FRMPD1: variants seen among roughly 807,000 people sequenced by gnomAD.
FRMPD1 encodes the protein FERM and PDZ domain containing 1.
A neutral mutation model predicts 117.8 loss-of-function variants in FRMPD1; 76 were observed. That is an observed-to-expected ratio of 0.65 (90% confidence interval 0.54 to 0.78). FRMPD1 has a LOEUF of 0.78. Ranked by LOEUF, FRMPD1 falls within the 30% of genes least tolerant of loss-of-function variation. The pLI is 0.00. For synonymous variants in FRMPD1, 783 were observed against 770.4 expected, an observed-to-expected ratio of 1.02 and a Z score of -0.27; for missense variants, 1,786 against 1,964.5, an observed-to-expected ratio of 0.91 and a Z score of 1.72.
chr9:37,631,111 C>T, the FRMPD1 span, among the ~76,000 whole-genome samples: 5 of 151,906 alleles, frequency 3.3e-5, no homozygotes, highest in Non-Finnish European at 7.4e-5. Context: ...GAGTTGATGT[C>T]GCCTGGGTCT....
chr9:37,648,508 T>A (rs1278901770), upstream of FRMPD1, among the ~76,000 whole-genome samples: 1 of 152,060 alleles, frequency 6.6e-6, no homozygotes, highest in African/African-American at 2.4e-5. Context: ...ACTGGCAGTA[T>A]GTGAAGGATG....
intron 12 of FRMPD1, among the ~76,000 whole-genome samples, 182 bp downstream of exon 12, chr9:37,734,007 T>G (rs757403595): frequency 6.6e-5 from 10 of 152,166 alleles, no homozygotes; most frequent in Non-Finnish European, 8.8e-5. Flanking sequence ...GCTACCCCTG[T>G]GATAGATGCT....
chr9:37,698,980 C>G (rs1272669063), intron 2 of FRMPD1, among the ~76,000 whole-genome samples: 2 of 151,956 alleles, frequency 1.3e-5, no homozygotes, highest in Non-Finnish European at 2.9e-5. Flanking sequence ...CTCAGGTGAT[C>G]CACCTGCCTC....
intron 6 of FRMPD1, among the ~76,000 whole-genome samples, chr9:37,720,853 C>T (rs1469057368): frequency 1.3e-5 from 2 of 152,254 alleles, no homozygotes. Context: ...CGCCACTGCG[C>T]TTCAGCCTGG....
rs1823280021 is a variant in FRMPD1, at chr9:37,719,123, A to C, written c.463A>C (p.Asn155His). 6.2e-7 allele frequency: 1 copy of C among 1,613,772 alleles called. No individual in the cohort carries two copies. Among genetic ancestry groups the C allele is most frequent in the South Asian group, 1.1e-5 (1 of 91,082 alleles). Residue 155 changes from asparagine to histidine, a missense_variant, in exon 6 of 16, where the codon AAC becomes CAC. By Grantham distance (68) the Asn-to-His change is moderately conservative (BLOSUM62 1). Coordinates refer to ENST00000377765, the MANE Select transcript of FRMPD1 (RefSeq NM_014907.3). ...TEEKRARLKTNPVKVHFAEEV... is the reference protein window; with the variant it reads ...TEEKRARLKTHPVKVHFAEEV... The stretch of plus-strand genomic sequence containing the variant: ...GGAGAAGAGAGCCAGACTGAAGACC[A>C]ACCCCGTGAAGGTGCACTTTGCTGA...
At position 37,735,376 on chromosome 9, in the gene FRMPD1, T is replaced by G. The variant is rs569597599; in HGVS notation, c.1219-176T>G. 7.2e-5 allele frequency among the ~76,000 whole-genome samples: 11 copies of G among 152,280 alleles called. No homozygotes were observed. The South Asian group carries it at 1.5e-3, about 20-fold the overall frequency. On this transcript the variant is annotated intron_variant, in intron 12 of 15. Transcript: ENST00000377765. ...TGGAAAGAGTTTTGGGGAAATAAAT[T>G]TACACTTTGATTTAGCTGTTGATGG...
chr9:37,720,824 T>C (rs1039418353), intron 6 of FRMPD1, among the ~76,000 whole-genome samples: 4 of 152,100 alleles, frequency 2.6e-5, no homozygotes, highest in African/African-American at 9.7e-5. Context: ...GAGGCGGAGG[T>C]TGCAGTGAGC....
chr9:37,682,689 C>T (rs1242086930), intron 1 of FRMPD1, among the ~76,000 whole-genome samples: 1 of 152,102 alleles, frequency 6.6e-6, no homozygotes, highest in Non-Finnish European at 1.5e-5. Flanking sequence ...CTCTGTGGCT[C>T]AGACATCCAT....
rs774752514 is a variant in FRMPD1 at position 37,744,916 on chromosome 9, G to T, written c.2884G>T (p.Ala962Ser). The change falls in exon 16 of 16, where the codon GCC (alanine) becomes TCC (serine). Residue 962 changes from alanine to serine, a missense_variant. Physicochemically the swap from Ala to Ser is moderately conservative, Grantham distance 99. Transcript: ENST00000377765. ...NKENSGVVPA[A>S]SSSASTPHCS... ...AGAGAATTCTGGTGTTGTCCCTGCT[G>T]CCAGCTCCTCAGCAAGCACTCCTCA... The T allele has an allele frequency of 5.0e-6, 8 of 1,614,206 alleles. No homozygotes were observed. The highest frequency in any genetic ancestry group is 5.9e-6 in the Non-Finnish European group (7 of 1,180,042).
At chr9:37,661,933 G>A in intron 1 of FRMPD1, 1 of 154,340 alleles carries the variant, frequency 6.5e-6, no homozygotes. Flanking sequence ...CTTCGGGAGG[G>A]ATGCACATGG....
the FRMPD1 span, among the ~76,000 whole-genome samples, chr9:37,624,867 A>C: frequency 6.6e-6 from 1 of 152,170 alleles, no homozygotes; most frequent in Admixed American, 6.5e-5. Flanking sequence ...CTTGAAATGA[A>C]TTCTGAACAC....
chr9:37,694,861 A>G (rs906289899), intron 2 of FRMPD1, among the ~76,000 whole-genome samples: 12 of 152,108 alleles, frequency 7.9e-5, no homozygotes, highest in African/African-American at 2.9e-4. Flanking sequence ...TCATACTGAC[A>G]TGGATCAGTA....
rs1353849041 is a variant in FRMPD1, at chr9:37,745,820, C to T, written c.3788C>T (p.Pro1263Leu). ...EPSLPEPLPCPQEDPHLETSN... is the reference protein window; with the variant it reads ...EPSLPEPLPCLQEDPHLETSN... ...TCCCTGCCAGAACCACTACCATGTC[C>T]ACAAGAGGATCCTCACTTAGAAACT... The change falls in exon 16 of 16, where the codon CCA becomes CTA. Residue 1263 changes from proline (P) to leucine (L), a missense_variant. Pro to Leu is a moderately conservative substitution (Grantham distance 98, BLOSUM62 -3). Transcript: ENST00000377765. The T allele has an allele frequency of 1.2e-6, 2 of 1,614,120 alleles. No homozygotes were observed. Among genetic ancestry groups the T allele is most frequent in the South Asian group, 2.2e-5 (2 of 91,086 alleles).
intron 1 of FRMPD1, among the ~76,000 whole-genome samples, chr9:37,656,533 T>A (rs189915820): frequency 6.6e-6 from 1 of 152,348 alleles, no homozygotes; most frequent in Non-Finnish European, 1.5e-5. Flanking sequence ...CACCAATCAA[T>A]GTATAAAATT....
intron 1 of FRMPD1, among the ~76,000 whole-genome samples, chr9:37,657,303 A>T (rs1031548552): frequency 1.3e-5 from 2 of 152,230 alleles, no homozygotes; most frequent in African/African-American, 4.8e-5. Context: ...AACTATTCAC[A>T]TGTGAAGCTT....
chr9:37,635,561 G>A, the FRMPD1 span, among the ~76,000 whole-genome samples: 1 of 152,196 alleles, frequency 6.6e-6, no homozygotes, highest in African/African-American at 2.4e-5. Context: ...GACACCAGAG[G>A]GGAACCTGGG....
chr9:37,744,081 C>A (rs1824558545), intron 15 of FRMPD1, among the ~76,000 whole-genome samples: 1 of 151,674 alleles, frequency 6.6e-6, no homozygotes, highest in Non-Finnish European at 1.5e-5. Flanking sequence ...CTCAGCTACT[C>A]CGGGGGGATG....
Position 37,740,581 on chromosome 9 carries a change from T to C in FRMPD1, c.2053T>C (p.Trp685Arg), listed in dbSNP as rs974294237. 4 of 1,614,196 alleles carry C rather than the reference T, an allele frequency of 2.5e-6. No homozygotes were observed. The African/African-American group carries it at 4.0e-5, about 16-fold the overall frequency. ...GAGTGCTGCTTTGGAGACATTTGGC[T>C]GGGCACCAGAACTGAGCACAGTCAG... ...SESAALETFG[W>R]APELSTVRLD... The change falls in exon 15 of 16, where the codon TGG (tryptophan) becomes CGG (arginine). Residue 685 changes from tryptophan (W) to arginine (R), a missense_variant. By Grantham distance (101) the Trp-to-Arg change is moderately radical. Coordinates refer to ENST00000377765, the MANE Select transcript of FRMPD1 (RefSeq NM_014907.3). This position sits in a 1 kb window ranked among gnomAD's most constrained non-coding sequence, Gnocchi z 4.2.
At chr9:37,722,758 C>A (rs2118293272) in intron 6 of FRMPD1, among the ~76,000 whole-genome samples, 1 of 142,988 alleles carries the variant, frequency 7.0e-6, no homozygotes, top group East Asian at 2.2e-4. Flanking sequence ...CTCAGAATCA[C>A]TTCTTTTTTT....
Sources: allele counts gnomAD v4.1 joint callset (sites outside exome capture counted in the v4.1 genomes callset), GRCh38; gene constraint gnomAD v4.1.1; non-coding constraint Gnocchi (gnomAD v3.1); transcripts MANE v1.5; gene names NCBI Gene and HGNC (gene_info 2026-07-23, HGNC 2026-07-21).